Variants in SLC16A4 observed in about 807,000 individuals in gnomAD.
SLC16A4 encodes the protein probable monocarboxylate transporter 5.
In SLC16A4, 39 loss-of-function variants were observed where a neutral mutation model predicts 47.9. That is an observed-to-expected ratio of 0.81 (90% CI 0.63 to 1.06). The LOEUF (loss-of-function observed/expected upper bound fraction) is 1.06. Ranked by LOEUF, SLC16A4 falls within the 50% of genes least tolerant of loss-of-function variation. SLC16A4 has a pLI of 0.00. For missense variants in SLC16A4, 524 were observed against 573.8 expected, an observed-to-expected ratio of 0.91 and a Z score of 0.89; for synonymous variants, 189 against 199.9, an observed-to-expected ratio of 0.95 and a Z score of 0.46.
chr1:110,369,576 G>T (rs1382829531), intron 8 of SLC16A4, among the ~76,000 whole-genome samples: 1 of 152,142 alleles, frequency 6.6e-6, no homozygotes, highest in Non-Finnish European at 1.5e-5. Flanking sequence ...GTGACAGAGG[G>T]AGACTCCATC....
intron 4 of SLC16A4, 46 bp from the exon 5 acceptor site, chr1:110,381,189 G>A: frequency 6.4e-7 from 1 of 1,562,096 alleles, no homozygotes; most frequent in African/African-American, 1.4e-5. Context: ...ACATTAAGTG[G>A]CTTGGTAACA....
At chr1:110,380,440 T>A (rs3768458) in intron 5 of SLC16A4, among the ~76,000 whole-genome samples, 88,285 of 152,028 alleles carry the variant, frequency 0.58, 25,605 homozygotes, top group Admixed American at 0.62. Flanking sequence ...AAATTGTGAG[T>A]TGAATCATTT....
intron 2 of SLC16A4, among the ~76,000 whole-genome samples, chr1:110,384,563 C>G (rs553787694): frequency 2.0e-5 from 3 of 152,320 alleles, no homozygotes; most frequent in East Asian, 3.9e-4. Context: ...TTTTAAGTAA[C>G]AGTCATGCTT....
At chr1:110,382,546 T>C (rs566367663) in intron 3 of SLC16A4, among the ~76,000 whole-genome samples, 94 of 152,312 alleles carry the variant, frequency 6.2e-4, no homozygotes, top group African/African-American at 2.1e-3. Context: ...GCCTTACTCA[T>C]TGAACCTATA....
At chr1:110,385,765 T>G (rs1486497033) in intron 2 of SLC16A4, among the ~76,000 whole-genome samples, 1 of 152,206 alleles carries the variant, frequency 6.6e-6, no homozygotes, top group Non-Finnish European at 1.5e-5. Context: ...GGAACAAAAC[T>G]TATTTAGAAT....
At chr1:110,378,734 C>G in intron 6 of SLC16A4, 119 bp downstream of exon 6, 2 of 1,333,502 alleles carry the variant, frequency 1.5e-6, no homozygotes, top group Admixed American at 5.2e-5. Flanking sequence ...ATTTTACTTT[C>G]TCTGGCCCTT....
rs550097633 is a variant in SLC16A4 at position 110,362,997 on chromosome 1, A to G, written c.*769T>C. The stretch of plus-strand genomic sequence containing the variant: ...AGAAAGTAAGGATTACCTTTAATCA[A>G]TAAACAAAGATAAACTTTTGGAGGG... On this transcript the variant is annotated 3_prime_UTR_variant, in exon 9 of 9. Transcript: ENST00000369779. 33 of 152,356 alleles carry G rather than the reference A, an allele frequency of 2.2e-4. No individual in the cohort carries two copies. Among genetic ancestry groups the G allele is most frequent in the Non-Finnish European group, 4.9e-4 (33 of 68,034 alleles). The allele number at this position is 152,356 out of a possible 1,614,324, so 9.4% of individuals were successfully genotyped here.
intron 3 of SLC16A4, 140 bp downstream of exon 3, chr1:110,382,694 C>T: frequency 1.2e-6 from 1 of 827,456 alleles, no homozygotes; most frequent in Non-Finnish European, 1.8e-6. Context: ...TATTGCAATT[C>T]CTTACTTTCT....
At chr1:110,381,892 G>A in intron 3 of SLC16A4, 97 bp from the exon 4 acceptor site, 4 of 1,165,074 alleles carry the variant, frequency 3.4e-6, no homozygotes, top group South Asian at 1.4e-5. Context: ...GAAAGCAAGA[G>A]GACTGTTTAC....
intron 7 of SLC16A4, among the ~76,000 whole-genome samples, chr1:110,376,711 T>G (rs1662023598): frequency 6.6e-6 from 1 of 150,476 alleles, no homozygotes; most frequent in Non-Finnish European, 1.5e-5. Context: ...AAAGGAATCC[T>G]GCTGATCCCT....
chr1:110,390,968 T>G lies in SLC16A4; in HGVS notation c.-136A>C, dbSNP rs1398967360. 1 of 152,206 alleles carries G rather than the reference T, an allele frequency of 6.6e-6. No homozygotes were observed. The highest frequency in any genetic ancestry group is 6.5e-5 in the Admixed American group (1 of 15,280). 9.4% of individuals were successfully genotyped at this position (152,206 alleles called of 1,614,324 possible). A position where few individuals can be genotyped will look rare whatever the true frequency, so the allele number is the denominator to read the frequency against. The stretch of plus-strand genomic sequence containing the variant: ...GAATGTTACTCTTTTTCTAAGGCAT[T>G]TCATTTTGCTGCATTGTGAAAACAA... On this transcript the variant is annotated 5_prime_UTR_variant, in exon 1 of 9. Transcript: ENST00000369779.
chr1:110,367,992 C>A (rs567949727), intron 8 of SLC16A4, among the ~76,000 whole-genome samples: 90 of 152,242 alleles, frequency 5.9e-4, no homozygotes, highest in African/African-American at 2.1e-3. Flanking sequence ...CCGTGCCCGG[C>A]TAATTTTTTG....
Position 110,381,663 on chromosome 1 carries a change from C to G in SLC16A4, c.353G>C (p.Gly118Ala). The G allele has an allele frequency of 6.2e-7, 1 of 1,612,364 alleles. No individual in the cohort carries two copies. Among genetic ancestry groups the G allele is most frequent in the Non-Finnish European group, 8.5e-7 (1 of 1,179,650 alleles). ...TSIPFLCVTM[G>A]LLPGLGSAFL... ...TACAATGGACTCACCGGGTAGAAGT[C>G]CCATAGTCACACAAAGAAAAGGAAT... Residue 118 changes from glycine (G) to alanine (A), a missense_variant, in exon 4 of 9, where the codon GGA (glycine) becomes GCA (alanine). Physicochemically the swap from Gly to Ala is moderately conservative, Grantham distance 60. Coordinates refer to ENST00000369779, the MANE Select transcript of SLC16A4 (RefSeq NM_004696.3).
At chr1:110,380,377 A>AT (rs1477599065) in intron 5 of SLC16A4, among the ~76,000 whole-genome samples, 1 of 152,120 alleles carries the variant, frequency 6.6e-6, no homozygotes, top group Non-Finnish European at 1.5e-5. Flanking sequence ...ATATACATGT[A>AT]TTTTTTCCAG....
chr1:110,380,929 G>A (rs1662342312), intron 5 of SLC16A4, 53 bp downstream of exon 5: 4 of 1,516,828 alleles, frequency 2.6e-6, no homozygotes, highest in African/African-American at 1.4e-5. Flanking sequence ...AAGGGAGAAA[G>A]CTGAACGCTA....
rs772357663 is a variant in SLC16A4, at chr1:110,381,730, C to T, written c.286G>A (p.Val96Ile). 21 of 1,613,552 alleles carry T rather than the reference C, an allele frequency of 1.3e-5. 1 individual carries two copies. In the Admixed American group the frequency reaches 1.8e-4, roughly 14 times the overall value. The change falls in exon 4 of 9, where the codon GTT becomes ATT. Residue 96 changes from valine to isoleucine, a missense_variant. By Grantham distance (29) the Val-to-Ile change is conservative. Coordinates refer to ENST00000369779, the MANE Select transcript of SLC16A4 (RefSeq NM_004696.3). ...CTGATCAGATATCCACCAGTAACAA[C>T]GAAAGCCCCAAGAATGGAGGTAGTT... ...EKTTSILGAF[V>I]VTGGYLISSW...
At chr1:110,382,304 C>T (rs1318150913) in intron 3 of SLC16A4, among the ~76,000 whole-genome samples, 2 of 151,954 alleles carry the variant, frequency 1.3e-5, no homozygotes, top group Non-Finnish European at 2.9e-5. Context: ...ACTAAAAATA[C>T]AAAAATTAGC....
rs1553230359 is a variant in SLC16A4 at position 110,381,798 on chromosome 1, T to G, written c.221-3A>C. On this transcript the variant is annotated splice_polypyrimidine_tract_variant and splice_region_variant and intron_variant, in intron 3 of 8. Coordinates refer to ENST00000369779, the MANE Select transcript of SLC16A4 (RefSeq NM_004696.3). Reference sequence around the variant, plus strand: ...ACAAATAATAGCAACCAGGGGACCTTAAGAGAAGAAAGAAAGGCAATTCTT... The same window carrying G: ...ACAAATAATAGCAACCAGGGGACCTGAAGAGAAGAAAGAAAGGCAATTCTT... The G allele has an allele frequency of 6.2e-7, 1 of 1,609,162 alleles. No individual in the cohort carries two copies.
intron 6 of SLC16A4, among the ~76,000 whole-genome samples, chr1:110,378,033 G>A (rs1461676024): frequency 6.6e-6 from 1 of 152,080 alleles, no homozygotes; most frequent in East Asian, 1.9e-4. Context: ...GTTTCACCAC[G>A]TTAGCTAGGA....
Sources: gnomAD v4.1 joint callset for allele counts (sites outside exome capture counted in the v4.1 genomes callset) on GRCh38, gnomAD v4.1.1 for gene constraint, MANE v1.5 for transcripts, NCBI Gene and HGNC (gene_info 2026-07-23, HGNC 2026-07-21) for gene names.